The following CDK19 variants were observed in gnomAD, a reference collection of about 807,000 sequenced individuals.
The protein encoded by CDK19 is cyclin dependent kinase 19, also known as cyclin-dependent kinase 19.
A neutral mutation model predicts 68.3 loss-of-function variants in CDK19; 20 were observed. That is an observed-to-expected ratio of 0.29 (90% CI 0.21 to 0.43). The LOEUF is 0.43. Ranked by LOEUF, CDK19 falls within the 20% of genes least tolerant of loss-of-function variation. CDK19 has a pLI of 1.00. For synonymous variants in CDK19, 221 were observed against 222.8 expected, an observed-to-expected ratio of 0.99 and a Z score of 0.07; for missense variants, 339 against 623.5, an observed-to-expected ratio of 0.54 and a Z score of 4.86.
intron 1 of CDK19, among the ~76,000 whole-genome samples, chr6:110,752,372 G>A (rs967274599): frequency 2.0e-5 from 3 of 152,050 alleles, no homozygotes; most frequent in African/African-American, 4.8e-5. Flanking sequence ...ATAGTTCAAT[G>A]TCGTAACACT....
At chr6:110,760,196 G>A (rs1243994379) in intron 1 of CDK19, among the ~76,000 whole-genome samples, 1 of 151,928 alleles carries the variant, frequency 6.6e-6, no homozygotes, top group Non-Finnish European at 1.5e-5. Flanking sequence ...AGAAATTCGA[G>A]ACTAGCCTGG....
At chr6:110,661,091 G>T (rs1446164344) in intron 4 of CDK19, among the ~76,000 whole-genome samples, 1 of 152,136 alleles carries the variant, frequency 6.6e-6, no homozygotes, top group African/African-American at 2.4e-5. Context: ...TAATAAGTAT[G>T]AAAAAATATC....
chr6:110,734,520 G>GCGCTCTCT (rs1554214772), intron 2 of CDK19, among the ~76,000 whole-genome samples: 2 of 85,734 alleles, frequency 2.3e-5, no homozygotes, highest in Non-Finnish European at 2.3e-5. Flanking sequence ...GGTGAGCACT[G>GCGCTCTCT]CTCTCTCTCT....
intron 1 of CDK19, among the ~76,000 whole-genome samples, chr6:110,804,405 C>T (rs758279121): frequency 4.1e-4 from 62 of 151,760 alleles, no homozygotes; most frequent in Admixed American, 3.8e-3. Context: ...TGCAATGGCG[C>T]GATCTCGGCT....
At chr6:110,738,308 G>A (rs941890892) in intron 2 of CDK19, among the ~76,000 whole-genome samples, 2 of 150,748 alleles carry the variant, frequency 1.3e-5, no homozygotes, top group African/African-American at 2.4e-5. Flanking sequence ...TCAGGAGTTC[G>A]AGACCAGCCT....
chr6:110,810,235 G>C (rs1244801868), intron 1 of CDK19, among the ~76,000 whole-genome samples: 1 of 152,174 alleles, frequency 6.6e-6, no homozygotes, highest in African/African-American at 2.4e-5. Flanking sequence ...ATTAAAATTG[G>C]ATCTAAGTCT....
chr6:110,770,312 C>T (rs558153294), intron 1 of CDK19, among the ~76,000 whole-genome samples: 2 of 152,168 alleles, frequency 1.3e-5, no homozygotes, highest in Non-Finnish European at 2.9e-5. Context: ...TTTAATTGGA[C>T]TTACAGTTCC....
At chr6:110,702,305 T>A (rs548839072) in intron 2 of CDK19, among the ~76,000 whole-genome samples, 49 of 152,026 alleles carry the variant, frequency 3.2e-4, no homozygotes, top group African/African-American at 1.2e-3. Context: ...ATTAATTAGC[T>A]GGGCATGGTT....
intron 1 of CDK19, among the ~76,000 whole-genome samples, chr6:110,814,367 AAT>A (rs1281771492): frequency 3.3e-5 from 5 of 152,244 alleles, no homozygotes; most frequent in Non-Finnish European, 7.3e-5. Flanking sequence ...GAAGGTACGC[AAT>A]TCAGAATGTG....
chr6:110,734,520 G>GCTCTCTCGCTCTCTCTCTCTCT (rs1777052623), intron 2 of CDK19, among the ~76,000 whole-genome samples: 1 of 85,734 alleles, frequency 1.2e-5, no homozygotes, highest in Non-Finnish European at 2.3e-5. Context: ...GGTGAGCACT[G>GCTCTCTCGCTCTCTCTCTCTCT]CTCTCTCTCT....
chr6:110,741,014 T>A (rs1391762252), intron 2 of CDK19, among the ~76,000 whole-genome samples: 1 of 151,976 alleles, frequency 6.6e-6, no homozygotes, highest in African/African-American at 2.4e-5. Flanking sequence ...ATTAAGAGTA[T>A]CCAGTCTGAC....
chr6:110,790,556 A>C (rs1781519196), intron 1 of CDK19, among the ~76,000 whole-genome samples: 1 of 152,012 alleles, frequency 6.6e-6, no homozygotes, highest in Non-Finnish European at 1.5e-5. Context: ...AAATAAAATA[A>C]AAAATAAATT....
intron 2 of CDK19, among the ~76,000 whole-genome samples, chr6:110,717,987 G>A (rs1049428843): frequency 1.3e-5 from 2 of 152,032 alleles, no homozygotes; most frequent in East Asian, 1.9e-4. Flanking sequence ...AGAGATTAGT[G>A]CCTTTGTAAA....
chr6:110,650,347 C>T (rs1780885367), intron 4 of CDK19, among the ~76,000 whole-genome samples: 1 of 152,128 alleles, frequency 6.6e-6, no homozygotes, highest in South Asian at 2.1e-4. Flanking sequence ...GGTAATCTTC[C>T]ACTTACTGGG....
chr6:110,693,113 T>C (rs1303478219), intron 2 of CDK19, among the ~76,000 whole-genome samples: 2 of 152,162 alleles, frequency 1.3e-5, no homozygotes, highest in African/African-American at 4.8e-5. Context: ...ACAGGACTAA[T>C]GTGGAACTCC....
chr6:110,710,455 C>T (rs1726711818), intron 2 of CDK19, among the ~76,000 whole-genome samples: 1 of 152,190 alleles, frequency 6.6e-6, no homozygotes, highest in African/African-American at 2.4e-5. Context: ...CATAGCAAGC[C>T]TAAATGGAAA....
chr6:110,729,706 G>T (rs765946354), intron 2 of CDK19, among the ~76,000 whole-genome samples: 1 of 151,612 alleles, frequency 6.6e-6, no homozygotes, highest in Non-Finnish European at 1.5e-5. Flanking sequence ...AAAGTGCTGG[G>T]ATTACAGGCG....
intron 1 of CDK19, among the ~76,000 whole-genome samples, chr6:110,759,432 T>TAC (rs1779078997): frequency 4.5e-5 from 5 of 110,736 alleles, no homozygotes; most frequent in Non-Finnish European, 8.6e-5. Flanking sequence ...AAAAAAAATA[T>TAC]ATATATATAT....
At chr6:110,682,480 AGCT>A (rs1350616527) in intron 2 of CDK19, among the ~76,000 whole-genome samples, 1 of 152,168 alleles carries the variant, frequency 6.6e-6, no homozygotes, top group African/African-American at 2.4e-5. Flanking sequence ...GCCTTTTGGA[AGCT>A]GCTCTTTATA....
Sources: allele counts gnomAD v4.1 joint callset (sites outside exome capture counted in the v4.1 genomes callset), GRCh38; gene constraint gnomAD v4.1.1; transcripts MANE v1.5; gene names NCBI Gene and HGNC (gene_info 2026-07-23, HGNC 2026-07-21).